CRY2: variants seen among roughly 807,000 people sequenced by gnomAD.
CRY2 encodes cryptochrome circadian regulator 2, also known as cryptochrome-2.
In CRY2, 31 loss-of-function variants were observed where a neutral mutation model predicts 69.5. The ratio of observed to expected loss-of-function variants is 0.45; its 90% CI spans 0.34 to 0.60. The LOEUF is 0.60. Among genes scored for constraint, CRY2 ranks in the 20% least tolerant of loss-of-function variants. The pLI is 0.02. For synonymous variants in CRY2, 303 were observed against 312.2 expected, an observed-to-expected ratio of 0.97 and a Z score of 0.31; for missense variants, 606 against 797.8, an observed-to-expected ratio of 0.76 and a Z score of 2.90.
At chr11:45,869,848 G>A (rs369718573) in intron 7 of CRY2, 31 bp downstream of exon 7, 3 of 1,578,370 alleles carry the variant, frequency 1.9e-6, no homozygotes, top group South Asian at 1.2e-5. Context: ...AAGCTGGCCT[G>A]TACCCTCTGG....
chr11:45,855,264 G>A (rs2086230668), intron 1 of CRY2, among the ~76,000 whole-genome samples: 1 of 151,958 alleles, frequency 6.6e-6, no homozygotes, highest in Non-Finnish European at 1.5e-5. Flanking sequence ...GAGAGGCCTG[G>A]AGAGTGAGCC....
chr11:45,857,852 AT>A (rs2086254246), intron 2 of CRY2, among the ~76,000 whole-genome samples: 1 of 152,234 alleles, frequency 6.6e-6, no homozygotes, highest in African/African-American at 2.4e-5. Context: ...ATATCCTCGA[AT>A]GAGGGATAAC....
intron 2 of CRY2, among the ~76,000 whole-genome samples, chr11:45,856,863 A>G (rs1436852169): frequency 1.3e-5 from 2 of 151,678 alleles, no homozygotes; most frequent in African/African-American, 4.8e-5. Context: ...TAAATGATTG[A>G]TAGAAATCTT....
In CRY2 at chr11:45,847,797, C is replaced by T. The variant is rs550521145; in HGVS notation, c.215+92C>T. On this transcript the variant is annotated intron_variant, in intron 1 of 11. Coordinates refer to ENST00000616080, the MANE Select transcript of CRY2 (RefSeq NM_021117.5). Reference sequence around the variant, plus strand: ...CAGCACGATCCCCCCAACCCCGCCACGGCTGGAAGGCCAGAGGGGAGAAGC... The same window carrying T: ...CAGCACGATCCCCCCAACCCCGCCATGGCTGGAAGGCCAGAGGGGAGAAGC... 2.0e-3 allele frequency: 2,789 copies of T among 1,422,408 alleles called. 8 individuals carry two copies. The highest frequency in any genetic ancestry group is 2.4e-3 in the Non-Finnish European group (2,596 of 1,072,330). 88.1% of individuals were successfully genotyped at this position (1,422,408 alleles called of 1,614,324 possible).
intron 1 of CRY2, among the ~76,000 whole-genome samples, chr11:45,853,411 A>G (rs570225198): frequency 2.6e-5 from 4 of 152,328 alleles, no homozygotes; most frequent in African/African-American, 9.6e-5. Flanking sequence ...AAGGGCTCTC[A>G]TAGGATTAGC....
At chr11:45,858,954 G>T in intron 3 of CRY2, 81 bp downstream of exon 3, 1 of 1,542,356 alleles carries the variant, frequency 6.5e-7, no homozygotes, top group Admixed American at 1.9e-5. Context: ...ACTCAGAGAG[G>T]TTCAGCATTA....
rs1279501885 is a variant in CRY2 at position 45,872,239 on chromosome 11, T to A, written c.*2+6T>A. On this transcript the variant is annotated splice_donor_region_variant and intron_variant, in intron 11 of 11. Coordinates refer to ENST00000616080, the MANE Select transcript of CRY2 (RefSeq NM_021117.5). The stretch of plus-strand genomic sequence containing the variant: ...CCGAGCAAGGATGCCTGAGAGTGAG[T>A]GACAGCAGCCTAGATTCAACCTCAG... The A allele has an allele frequency of 1.2e-6, 2 of 1,613,280 alleles. No individual in the cohort carries two copies. Among genetic ancestry groups the A allele is most frequent in the Middle Eastern group, 1.7e-4 (1 of 6,052 alleles).
intron 1 of CRY2, among the ~76,000 whole-genome samples, chr11:45,855,550 C>T (rs182102111): frequency 6.6e-6 from 1 of 152,280 alleles, no homozygotes; most frequent in East Asian, 1.9e-4. Context: ...CCAGAGACTG[C>T]GAGGGAGTAA....
chr11:45,861,999 C>T lies in CRY2; in HGVS notation c.653-61C>T, dbSNP rs532750760. 52 of 1,388,868 alleles carry T rather than the reference C, an allele frequency of 3.7e-5. No homozygotes were observed. The East Asian group carries it at 7.7e-4, about 21-fold the overall frequency. The allele number at this position is 1,388,868 out of a possible 1,614,324, so 86.0% of individuals were successfully genotyped here. ...CATAAAGTTCAAATAACAGAACAGCCGTGCCGGGCTATCACTGAAATGGTC... is the reference window on the plus strand; with the variant it reads ...CATAAAGTTCAAATAACAGAACAGCTGTGCCGGGCTATCACTGAAATGGTC... On this transcript the variant is annotated intron_variant, in intron 4 of 11. Transcript: ENST00000616080.
chr11:45,847,550 C>A lies in CRY2; in HGVS notation c.60C>A (p.Asp20Glu). 6.3e-7 allele frequency: 1 copy of A among 1,591,588 alleles called. No homozygotes were observed. The highest frequency in any genetic ancestry group is 8.5e-7 in the Non-Finnish European group (1 of 1,172,526). Reference sequence around the variant, plus strand: ...CCCCGGCGCCAGCGCCCGGCACGGACAGCGCCTCTTCGGTGCACTGGTTCC... The same window carrying A: ...CCCCGGCGCCAGCGCCCGGCACGGAAAGCGCCTCTTCGGTGCACTGGTTCC... ...AVAPAPAPGT[D>E]SASSVHWFRK... Residue 20 changes from aspartate to glutamate, a missense_variant, in exon 1 of 12, where the codon GAC (aspartate) becomes GAA (glutamate). Around this residue, in one of 5 missense-constraint regions of CRY2, gnomAD observed 45 missense variants for 35.7 expected, o/e 1.26. Transcript: ENST00000616080.
At chr11:45,871,809 A>G (rs1396014543) in intron 10 of CRY2, among the ~76,000 whole-genome samples, 1 of 152,254 alleles carries the variant, frequency 6.6e-6, no homozygotes, top group Admixed American at 6.5e-5. Flanking sequence ...CCTTCAAAGC[A>G]GGACAGCAGG....
At chr11:45,853,889 A>T (rs866624906) in intron 1 of CRY2, among the ~76,000 whole-genome samples, 3 of 152,378 alleles carry the variant, frequency 2.0e-5, no homozygotes, top group Middle Eastern at 3.4e-3. Flanking sequence ...TTTGGTTTGC[A>T]TAAAGCAGCA....
intron 4 of CRY2, chr11:45,861,813 A>C: frequency 2.1e-6 from 1 of 475,506 alleles, no homozygotes; most frequent in Non-Finnish European, 3.8e-6. Context: ...CTGAAAAGGC[A>C]GGAGGTCCGG....
Position 45,875,918 on chromosome 11 carries a change from A to G in CRY2, c.*2+3685A>G, listed in dbSNP as rs76817282. Among the ~76,000 whole-genome samples, 142 of 152,344 alleles carry G rather than the reference A, an allele frequency of 9.3e-4. 3 individuals are homozygous for G. The East Asian group carries it at 0.026, about 28-fold the overall frequency. On this transcript the variant is annotated intron_variant, in intron 11 of 11. Coordinates refer to ENST00000616080, the MANE Select transcript of CRY2 (RefSeq NM_021117.5). ...ACTATGCAAATGGAATCACATTATC[A>G]TCTTGCACTTTCTTCTCTGGGTGTC...
chr11:45,853,228 G>C (rs892351042), intron 1 of CRY2, among the ~76,000 whole-genome samples: 1 of 152,216 alleles, frequency 6.6e-6, no homozygotes, highest in Non-Finnish European at 1.5e-5. Context: ...AGAATTAAAT[G>C]AGGTAATGTA....
intron 6 of CRY2, 173 bp downstream of exon 6, chr11:45,867,925 G>A (rs2086344564): frequency 2.5e-6 from 2 of 805,770 alleles, no homozygotes; most frequent in Non-Finnish European, 1.9e-6. Context: ...TATCCAAGAG[G>A]GCAGAGCCAA....
intron 6 of CRY2, 124 bp downstream of exon 6, chr11:45,867,876 A>T: frequency 7.8e-7 from 1 of 1,277,738 alleles, no homozygotes; most frequent in Non-Finnish European, 1.1e-6. Context: ...GAAGGGCCTA[A>T]GTGTGTGCAG....
intron 5 of CRY2, among the ~76,000 whole-genome samples, chr11:45,864,039 T>C (rs1565059814): frequency 6.6e-6 from 1 of 152,224 alleles, no homozygotes; most frequent in African/African-American, 2.4e-5. Flanking sequence ...CATTATGTAT[T>C]GGTGACTGCT....
intron 1 of CRY2, among the ~76,000 whole-genome samples, chr11:45,849,769 C>T (rs1033753381): frequency 2.2e-4 from 33 of 152,166 alleles, no homozygotes; most frequent in African/African-American, 6.5e-4. Context: ...TACAGGTGGC[C>T]ATCGCCACAC....
Sources: allele counts gnomAD v4.1 joint callset (sites outside exome capture counted in the v4.1 genomes callset), GRCh38; gene constraint gnomAD v4.1.1; regional missense constraint gnomAD v4.1.1; transcripts MANE v1.5; gene names NCBI Gene and HGNC (gene_info 2026-07-23, HGNC 2026-07-21).